SLCO3A1: variants seen among roughly 807,000 people sequenced by gnomAD.
SLCO3A1 encodes solute carrier organic anion transporter family member 3A1.
Under a neutral mutation model 63.1 loss-of-function variants are expected in SLCO3A1, and 27 were observed. The observed-to-expected ratio is 0.43, with a 90% CI of 0.32 to 0.59. The LOEUF (loss-of-function observed/expected upper bound fraction) is 0.59, where lower values mean the gene tolerates loss of function less well. SLCO3A1 is among the 20% of genes least tolerant of loss of function. SLCO3A1 has a pLI of 0.09. For synonymous variants in SLCO3A1, 473 were observed against 409.9 expected (o/e 1.15, Z -1.86); for missense variants, 773 against 945.8 (o/e 0.82, Z 2.40).
intron 2 of SLCO3A1, among the ~76,000 whole-genome samples, chr15:92,078,646 CCTTT>C (rs1196429995): frequency 6.6e-6 from 1 of 152,210 alleles, no homozygotes; most frequent in Non-Finnish European, 1.5e-5. Flanking sequence ...TTCTTCCTCC[CCTTT>C]CTTTAGTCCT....
At chr15:91,871,371 G>A (rs142311645) in intron 1 of SLCO3A1, among the ~76,000 whole-genome samples, 1 of 152,098 alleles carries the variant, frequency 6.6e-6, no homozygotes. Flanking sequence ...CTTCCTGTGT[G>A]GGGGGCACAC....
At chr15:91,956,794 T>G (rs1900195168) in intron 2 of SLCO3A1, among the ~76,000 whole-genome samples, 1 of 140,898 alleles carries the variant, frequency 7.1e-6, no homozygotes, top group Non-Finnish European at 1.5e-5. Flanking sequence ...TTTTTTTTTT[T>G]TTTTCTTTTT....
At chr15:92,061,503 C>A (rs2047085821) in intron 2 of SLCO3A1, among the ~76,000 whole-genome samples, 1 of 152,216 alleles carries the variant, frequency 6.6e-6, no homozygotes, top group South Asian at 2.1e-4. Context: ...TGAGACTTCC[C>A]AAGCGTTTGT....
At chr15:92,041,227 T>G (rs887263422) in intron 2 of SLCO3A1, among the ~76,000 whole-genome samples, 1 of 152,206 alleles carries the variant, frequency 6.6e-6, no homozygotes, top group African/African-American at 2.4e-5. Context: ...TTGTTCCTCC[T>G]AACCCTTTTG....
At position 91,885,192 on chromosome 15, in the gene SLCO3A1, T is replaced by C. The variant is rs1897692780; in HGVS notation, c.181-30801T>C. 6.6e-6 allele frequency among the ~76,000 whole-genome samples: 1 copy of C among 152,192 alleles called. No homozygotes were observed. The highest frequency in any genetic ancestry group is 6.5e-5 in the Admixed American group (1 of 15,290). On this transcript the variant is annotated intron_variant, in intron 1 of 9. Transcript: ENST00000318445. This position sits in a 1 kb window ranked among gnomAD's most constrained non-coding sequence, Gnocchi z 4.7. ...GGAGCAGGGGGCTTGTCTCCCTCTTTGCTCCCTTTGGCGTCACTCTCCACG... is the reference window on the plus strand; with the variant it reads ...GGAGCAGGGGGCTTGTCTCCCTCTTCGCTCCCTTTGGCGTCACTCTCCACG...
intron 2 of SLCO3A1, among the ~76,000 whole-genome samples, chr15:92,020,526 A>G (rs1198263681): frequency 6.6e-6 from 1 of 152,122 alleles, no homozygotes; most frequent in Non-Finnish European, 1.5e-5. Context: ...ATCCATTTTT[A>G]TTTTCATTTT....
At chr15:92,082,931 CT>C (rs1036794902) in intron 2 of SLCO3A1, among the ~76,000 whole-genome samples, 3 of 152,222 alleles carry the variant, frequency 2.0e-5, no homozygotes, top group African/African-American at 7.2e-5. Context: ...TCTCTCTGCG[CT>C]TCTGTATTCT....
At chr15:91,871,765 G>GTGTTTTTTTTTTTTTTTTTTTTTTGTTT (rs1897285222) in intron 1 of SLCO3A1, among the ~76,000 whole-genome samples, 1 of 45,688 alleles carries the variant, frequency 2.2e-5, no homozygotes, top group African/African-American at 9.1e-5. Context: ...TTTTTTTTTG[G>GTGTTTTTTTTTTTTTTTTTTTTTTGTTT]TTTTTTTTTT....
chr15:92,113,773 G>A (rs1195193241), intron 4 of SLCO3A1, among the ~76,000 whole-genome samples: 1 of 152,156 alleles, frequency 6.6e-6, no homozygotes, highest in African/African-American at 2.4e-5. Context: ...TCCCACCTGG[G>A]CTTTCCTCTA....
At chr15:91,881,119 C>G (rs1259274989) in intron 1 of SLCO3A1, among the ~76,000 whole-genome samples, 1 of 152,194 alleles carries the variant, frequency 6.6e-6, no homozygotes, top group Non-Finnish European at 1.5e-5. Context: ...GGTACCTTTT[C>G]TGCAGAGCCT....
intron 2 of SLCO3A1, among the ~76,000 whole-genome samples, chr15:92,004,073 A>G (rs1428400336): frequency 6.6e-6 from 1 of 152,216 alleles, no homozygotes. Context: ...ATAGGGGCAG[A>G]TTCCTGGATC....
chr15:92,080,944 G>GTA (rs199770225), intron 2 of SLCO3A1, among the ~76,000 whole-genome samples: 4,466 of 95,546 alleles, frequency 0.047, 263 homozygotes, highest in African/African-American at 0.13. Flanking sequence ...GTAGCTGTGT[G>GTA]TGTGTGTGTG....
chr15:91,994,773 T>A (rs2046170281), intron 2 of SLCO3A1, among the ~76,000 whole-genome samples: 1 of 152,238 alleles, frequency 6.6e-6, no homozygotes, highest in African/African-American at 2.4e-5. Context: ...AGCTTGGGCA[T>A]CAGTACACCT....
chr15:92,159,055 A>C (rs920399878), intron 9 of SLCO3A1, among the ~76,000 whole-genome samples: 4 of 152,202 alleles, frequency 2.6e-5, no homozygotes, highest in African/African-American at 7.2e-5. Flanking sequence ...TTGGCGAAAC[A>C]CTCACACACA....
At chr15:91,951,367 G>T (rs1237953019) in intron 2 of SLCO3A1, among the ~76,000 whole-genome samples, 1 of 152,002 alleles carries the variant, frequency 6.6e-6, no homozygotes, top group African/African-American at 2.4e-5. Context: ...TGTTTTCAAG[G>T]TTTATTCACA....
At chr15:92,060,976 C>T (rs193103254) in intron 2 of SLCO3A1, among the ~76,000 whole-genome samples, 1 of 152,238 alleles carries the variant, frequency 6.6e-6, no homozygotes, top group Admixed American at 6.5e-5. Context: ...TCATTGTATT[C>T]GAGGTTCATC....
Position 92,163,195 on chromosome 15 carries a change from A to C in SLCO3A1, c.*60A>C. 7 of 1,436,468 alleles carry C rather than the reference A, an allele frequency of 4.9e-6. No homozygotes were observed. Among genetic ancestry groups the C allele is most frequent in the Non-Finnish European group, 6.4e-6 (7 of 1,101,052 alleles). 89.0% of individuals were successfully genotyped at this position (1,436,468 alleles called of 1,614,324 possible). A position where few individuals can be genotyped will look rare whatever the true frequency, so the allele number is the denominator to read the frequency against. On this transcript the variant is annotated 3_prime_UTR_variant, in exon 10 of 10. Coordinates refer to ENST00000318445, the MANE Select transcript of SLCO3A1 (RefSeq NM_013272.4). ...CCAAGGGTCATTTTTTTCTTAAAAAAAGAAAAAAAGGTTCCAAAAAAAACC... is the reference window on the plus strand; with the variant it reads ...CCAAGGGTCATTTTTTTCTTAAAAACAGAAAAAAAGGTTCCAAAAAAAACC...
chr15:92,171,813 C>A (rs1415534521), exon 11 of SLCO3A1: 1 of 1,551,472 alleles, frequency 6.4e-7, no homozygotes, highest in Non-Finnish European at 8.7e-7. Flanking sequence ...ACTGAGAAAA[C>A]CTGCCCCGAA....
At chr15:92,130,535 G>A (rs1437475876) in intron 7 of SLCO3A1, among the ~76,000 whole-genome samples, 1 of 152,190 alleles carries the variant, frequency 6.6e-6, no homozygotes, top group Non-Finnish European at 1.5e-5. Context: ...GTGGATGAGG[G>A]ATTTGGAGAC....
Sources: allele counts gnomAD v4.1 joint callset (sites outside exome capture counted in the v4.1 genomes callset), GRCh38; gene constraint gnomAD v4.1.1; non-coding constraint Gnocchi (gnomAD v3.1); transcripts MANE v1.5; gene names NCBI Gene and HGNC (gene_info 2026-07-23, HGNC 2026-07-21).